Variants in SPRED2 observed in about 807,000 individuals in gnomAD.
The protein encoded by SPRED2 is sprouty-related, EVH1 domain-containing protein 2.
In SPRED2, 47 loss-of-function variants were observed where a neutral mutation model predicts 43.0. That is an observed-to-expected ratio of 1.09 (90% CI 0.87 to 1.40). SPRED2 has a LOEUF of 1.40. SPRED2 is among the 40% of genes most tolerant of loss of function. SPRED2 has a pLI of 0.00. For missense variants in SPRED2, 561 were observed against 586.4 expected (o/e 0.96, Z 0.45); for synonymous variants, 225 against 225.7 (o/e 1.00, Z 0.03).
intron 1 of SPRED2, among the ~76,000 whole-genome samples, chr2:65,364,139 G>T (rs191645432): frequency 1.3e-5 from 2 of 152,170 alleles, no homozygotes; most frequent in Admixed American, 1.3e-4. Flanking sequence ...GAACCAAAAA[G>T]GAATAGCTCA....
chr2:65,376,539 CA>C (rs1675241990), intron 1 of SPRED2, among the ~76,000 whole-genome samples: 1 of 152,162 alleles, frequency 6.6e-6, no homozygotes, highest in Non-Finnish European at 1.5e-5. Context: ...CCATCTGCCC[CA>C]TTCCTTCTCC....
intron 1 of SPRED2, among the ~76,000 whole-genome samples, chr2:65,349,281 G>A (rs62139117): frequency 0.18 from 24,396 of 136,450 alleles, 2,149 homozygotes; most frequent in Middle Eastern, 0.3. Context: ...GCAGAGATCA[G>A]CCTGGCGACA....
intron 5 of SPRED2, among the ~76,000 whole-genome samples, chr2:65,315,828 T>A (rs1673216442): frequency 6.6e-6 from 1 of 152,152 alleles, no homozygotes; most frequent in South Asian, 2.1e-4. Flanking sequence ...CCAGCTAATT[T>A]TTTGTATTTT....
At chr2:65,418,282 CT>C (rs1206099213) in intron 1 of SPRED2, among the ~76,000 whole-genome samples, 6 of 151,752 alleles carry the variant, frequency 4.0e-5, no homozygotes, top group South Asian at 4.2e-4. Flanking sequence ...CTGGCTGGTA[CT>C]CAATATCCTC....
chr2:65,414,078 A>G (rs1676220746), intron 1 of SPRED2, among the ~76,000 whole-genome samples: 1 of 152,240 alleles, frequency 6.6e-6, no homozygotes, highest in South Asian at 2.1e-4. Flanking sequence ...TGCTACTAGT[A>G]AAACTACTTA....
At chr2:65,344,976 C>G in intron 1 of SPRED2, 80 bp from the exon 2 acceptor site, 1 of 1,342,392 alleles carries the variant, frequency 7.4e-7, no homozygotes. Flanking sequence ...GCAAGATGAC[C>G]ACCAGCCAGC....
chr2:65,427,371 A>T lies in SPRED2; in HGVS notation c.26+4591T>A, dbSNP rs192783740. ...GGGATTTTCTGAGGAATAAATCAAGATTCTAATTCTGCACAGTCAACTCCA... is the reference window on the plus strand; with the variant it reads ...GGGATTTTCTGAGGAATAAATCAAGTTTCTAATTCTGCACAGTCAACTCCA... On this transcript the variant is annotated intron_variant, in intron 1 of 5. Coordinates refer to ENST00000356388, the MANE Select transcript of SPRED2 (RefSeq NM_181784.3). Among the ~76,000 whole-genome samples the T allele has an allele frequency of 3.1e-4, 47 of 152,242 alleles. 2 individuals are homozygous for T. The South Asian group carries it at 9.7e-3, about 32-fold the overall frequency.
At chr2:65,327,699 T>G (rs150265738) in intron 4 of SPRED2, among the ~76,000 whole-genome samples, 8,102 of 149,330 alleles carry the variant, frequency 0.054, 339 homozygotes, top group African/African-American at 0.1. Flanking sequence ...TCTTTGCTTT[T>G]CTTTTCTTTC....
In SPRED2 at chr2:65,313,397, C is replaced by T; in HGVS notation, c.*104G>A. 6.7e-7 allele frequency: 1 copy of T among 1,503,430 alleles called. No homozygotes were observed. The highest frequency in any genetic ancestry group is 8.8e-7 in the Non-Finnish European group (1 of 1,133,250). The allele number at this position is 1,503,430 out of a possible 1,614,324, so 93.1% of individuals were successfully genotyped here. Reference sequence around the variant, plus strand: ...CCAGGGAGCTGGGAGGCCGCTTGCCCTCCTCGCTCCTTGGAGTGGAAGGGA... The same window carrying T: ...CCAGGGAGCTGGGAGGCCGCTTGCCTTCCTCGCTCCTTGGAGTGGAAGGGA... On this transcript the variant is annotated 3_prime_UTR_variant, in exon 6 of 6. Coordinates refer to ENST00000356388, the MANE Select transcript of SPRED2 (RefSeq NM_181784.3).
At chr2:65,388,166 C>T (rs1218597888) in intron 1 of SPRED2, among the ~76,000 whole-genome samples, 1 of 152,222 alleles carries the variant, frequency 6.6e-6, no homozygotes, top group African/African-American at 2.4e-5. Context: ...CACAGCCGCA[C>T]AGAGCTGGGC....
intron 1 of SPRED2, among the ~76,000 whole-genome samples, chr2:65,361,905 A>T (rs571906111): frequency 6.6e-6 from 1 of 152,304 alleles, no homozygotes; most frequent in East Asian, 1.9e-4. Context: ...GCAGAGCCCC[A>T]CAGGGCCAGG....
intron 1 of SPRED2, among the ~76,000 whole-genome samples, chr2:65,354,918 T>C (rs13011574): frequency 0.11 from 16,780 of 152,244 alleles, 1,367 homozygotes; most frequent in Non-Finnish European, 0.16. Flanking sequence ...AATTTTCTCT[T>C]GTCAATATGT....
chr2:65,384,925 G>A (rs1031118272), intron 1 of SPRED2, among the ~76,000 whole-genome samples: 2 of 151,086 alleles, frequency 1.3e-5, no homozygotes, highest in South Asian at 2.1e-4. Context: ...CAGTAGATCT[G>A]CTATAAATTT....
chr2:65,319,737 CT>C (rs36051471), intron 4 of SPRED2, among the ~76,000 whole-genome samples: 4,201 of 152,220 alleles, frequency 0.028, 212 homozygotes, highest in African/African-American at 0.096. Context: ...CCCTGAGCTA[CT>C]TGTGGACACG....
rs375121510 is a variant in SPRED2, at chr2:65,313,865, C to T, written c.893G>A (p.Arg298Gln). The T allele has an allele frequency of 5.6e-6, 9 of 1,610,664 alleles. No individual in the cohort carries two copies. The African/African-American group carries it at 6.7e-5, about 12-fold the overall frequency. The part of the protein sequence containing the change: ...IKTQPSRGKS[R>Q]RRKEDGERSR... ...GCGCTCTCCGTCCTCCTTCCGCCGC[C>T]GCGACTTGCCCCGGGAGGGCTGCGT... Residue 298 changes from arginine (R) to glutamine (Q), a missense_variant, in exon 6 of 6, where the codon CGG becomes CAG. Arg to Gln is a conservative substitution (Grantham distance 43). This residue lies in a region of SPRED2 where 164 missense variants were observed against 164.1 expected (regional missense o/e 1.00). Coordinates refer to ENST00000356388, the MANE Select transcript of SPRED2 (RefSeq NM_181784.3).
chr2:65,420,364 G>A (rs1676395523), intron 1 of SPRED2, among the ~76,000 whole-genome samples: 1 of 152,186 alleles, frequency 6.6e-6, no homozygotes, highest in Non-Finnish European at 1.5e-5. Context: ...CCCCTTTTGG[G>A]GGGAAACAAA....
At chr2:65,385,813 A>ATCC (rs781353621) in intron 1 of SPRED2, among the ~76,000 whole-genome samples, 37 of 152,172 alleles carry the variant, frequency 2.4e-4, no homozygotes, top group Non-Finnish European at 4.7e-4. Context: ...ACAGATGATG[A>ATCC]TCCCCACTCC....
intron 1 of SPRED2, among the ~76,000 whole-genome samples, chr2:65,422,020 C>G (rs1174737542): frequency 6.6e-6 from 1 of 151,404 alleles, no homozygotes; most frequent in Non-Finnish European, 1.5e-5. Context: ...GGTATGTGGA[C>G]ACTTGACGGT....
intron 1 of SPRED2, among the ~76,000 whole-genome samples, chr2:65,427,794 A>T (rs919771243): frequency 1.3e-5 from 2 of 152,224 alleles, no homozygotes; most frequent in Non-Finnish European, 2.9e-5. Context: ...CTGAGTCAGA[A>T]CGACTGAGGC....
Sources: allele counts gnomAD v4.1 joint callset (sites outside exome capture counted in the v4.1 genomes callset), GRCh38; gene constraint gnomAD v4.1.1; regional missense constraint gnomAD v4.1.1; transcripts MANE v1.5; gene names NCBI Gene and HGNC (gene_info 2026-07-23, HGNC 2026-07-21).